The following MTMR12 variants were observed in gnomAD, a reference collection of about 807,000 sequenced individuals.
MTMR12 encodes the protein myotubularin-related protein 12.
A neutral mutation model predicts 96.7 loss-of-function variants in MTMR12; 33 were observed. The ratio of observed to expected loss-of-function variants is 0.34; its 90% CI spans 0.26 to 0.46. The LOEUF (loss-of-function observed/expected upper bound fraction) is 0.46, where lower values mean the gene tolerates loss of function less well. MTMR12 is among the 20% of genes least tolerant of loss of function. The pLI is 1.00. For missense variants in MTMR12, 721 were observed against 896.1 expected, an observed-to-expected ratio of 0.80 and a Z score of 2.49; for synonymous variants, 298 against 327.2, an observed-to-expected ratio of 0.91 and a Z score of 0.96.
chr5:32,281,256 A>C (rs113014108), intron 1 of MTMR12, among the ~76,000 whole-genome samples: 16 of 150,012 alleles, frequency 1.1e-4, no homozygotes, highest in African/African-American at 2.7e-4. Flanking sequence ...ATTAAAAAAA[A>C]AAAAAAAACA....
intron 1 of MTMR12, among the ~76,000 whole-genome samples, chr5:32,299,126 G>C (rs1279249364): frequency 6.6e-6 from 1 of 151,920 alleles, no homozygotes; most frequent in African/African-American, 2.4e-5. Flanking sequence ...GGGGTGGTGA[G>C]GAATAATAGC....
intron 15 of MTMR12, among the ~76,000 whole-genome samples, chr5:32,231,222 C>T (rs1235912817): frequency 2.6e-5 from 4 of 151,814 alleles, no homozygotes; most frequent in African/African-American, 7.3e-5. Flanking sequence ...ATGGCAAAAC[C>T]CCATCTCCAC....
intron 1 of MTMR12, among the ~76,000 whole-genome samples, chr5:32,305,039 G>T (rs1476552906): frequency 6.6e-6 from 1 of 152,164 alleles, no homozygotes; most frequent in Admixed American, 6.5e-5. Context: ...TTAGCTGGGT[G>T]AGTTCTGGGA....
intron 7 of MTMR12, 124 bp downstream of exon 7, chr5:32,262,989 G>C: frequency 7.9e-7 from 1 of 1,259,248 alleles, no homozygotes; most frequent in Non-Finnish European, 1.1e-6. Flanking sequence ...GTTTCTTTTT[G>C]GGAGGATGAA....
intron 6 of MTMR12, 30 bp from the exon 7 acceptor site, chr5:32,263,272 A>C: frequency 6.2e-7 from 1 of 1,611,930 alleles, no homozygotes; most frequent in Non-Finnish European, 8.5e-7. Flanking sequence ...AAGACAATAA[A>C]ATCTTTCCAT....
intron 12 of MTMR12, among the ~76,000 whole-genome samples, chr5:32,241,382 C>T (rs1012723184): frequency 2.0e-5 from 3 of 152,180 alleles, no homozygotes; most frequent in Non-Finnish European, 2.9e-5. Flanking sequence ...GCCCTTAGAA[C>T]CCAGGGCCAA....
At chr5:32,288,028 G>A (rs1750608737) in intron 1 of MTMR12, among the ~76,000 whole-genome samples, 1 of 152,146 alleles carries the variant, frequency 6.6e-6, no homozygotes, top group Non-Finnish European at 1.5e-5. Context: ...CTGAGTGAGA[G>A]TCTTATCTCT....
At position 32,312,617 on chromosome 5, in the gene MTMR12, C is replaced by T; in HGVS notation, c.81+141G>A. 1 of 772,598 alleles carries T rather than the reference C, an allele frequency of 1.3e-6. No homozygotes were observed. Among genetic ancestry groups the T allele is most frequent in the Non-Finnish European group, 1.7e-6 (1 of 586,414 alleles). 47.9% of individuals were successfully genotyped at this position (772,598 alleles called of 1,614,324 possible). ...GGAGGCCCCAGCGCGCTCCTGCGGC[C>T]TCAGCCCGCCTGGCTGCCCCGTCGC... On this transcript the variant is annotated intron_variant, in intron 1 of 15. Coordinates refer to ENST00000382142, the MANE Select transcript of MTMR12 (RefSeq NM_001040446.3). This position sits in a 1 kb window ranked among gnomAD's most constrained non-coding sequence, Gnocchi z 5.0.
At chr5:32,307,150 G>A (rs1380726911) in intron 1 of MTMR12, among the ~76,000 whole-genome samples, 1 of 152,264 alleles carries the variant, frequency 6.6e-6, no homozygotes, top group East Asian at 1.9e-4. Flanking sequence ...GAAGTGTACA[G>A]AATACACTCC....
At chr5:32,276,181 G>A (rs1019492794) in intron 2 of MTMR12, among the ~76,000 whole-genome samples, 3 of 152,222 alleles carry the variant, frequency 2.0e-5, no homozygotes, top group Non-Finnish European at 4.4e-5. Context: ...AACCAATCCA[G>A]GCTCCTTCGC....
At chr5:32,292,962 T>G (rs1475132967) in intron 1 of MTMR12, among the ~76,000 whole-genome samples, 1 of 152,250 alleles carries the variant, frequency 6.6e-6, no homozygotes, top group African/African-American at 2.4e-5. Context: ...TTTTCCTTTA[T>G]CATATAAGAT....
intron 1 of MTMR12, among the ~76,000 whole-genome samples, chr5:32,301,439 G>T (rs548857143): frequency 1.3e-5 from 2 of 152,312 alleles, no homozygotes; most frequent in African/African-American, 4.8e-5. Flanking sequence ...AATATTCACG[G>T]GGAGACCAAG....
At chr5:32,280,994 T>C (rs1750269843) in intron 1 of MTMR12, among the ~76,000 whole-genome samples, 1 of 151,990 alleles carries the variant, frequency 6.6e-6, no homozygotes, top group Non-Finnish European at 1.5e-5. Context: ...ACACCAGTAA[T>C]CACAGCACTT....
intron 1 of MTMR12, among the ~76,000 whole-genome samples, chr5:32,301,437 C>T (rs922945167): frequency 2.0e-5 from 3 of 152,184 alleles, no homozygotes; most frequent in African/African-American, 4.8e-5. Context: ...CAAATATTCA[C>T]GGGGAGACCA....
intron 11 of MTMR12, 120 bp from the exon 12 acceptor site, chr5:32,242,247 CCACGCTAAA>C: frequency 1.8e-6 from 1 of 553,686 alleles, no homozygotes; most frequent in Non-Finnish European, 3.0e-6. Context: ...TTTTTTTTTT[CCACGCTAAA>C]ATCCTCTAGA....
In MTMR12 at chr5:32,228,842, G is replaced by A. The variant is rs564503543; in HGVS notation, c.*936C>T. 2.0e-5 allele frequency: 3 copies of A among 151,842 alleles called. No homozygotes were observed. In the South Asian group the frequency reaches 6.3e-4, roughly 32 times the overall value. The allele number at this position is 151,842 out of a possible 1,614,324, so 9.4% of individuals were successfully genotyped here. ...AAAGGTAAAAGAATGTGAGGAACTC[G>A]GCTCAGGGGTTGCGGCAGAAAACTG... is the stretch of plus-strand genomic sequence containing the variant. On this transcript the variant is annotated 3_prime_UTR_variant, in exon 16 of 16. Transcript: ENST00000382142.
chr5:32,243,634 A>C, intron 10 of MTMR12, 35 bp from the exon 11 acceptor site: 1 of 1,365,762 alleles, frequency 7.3e-7, no homozygotes, highest in South Asian at 1.2e-5. Flanking sequence ...ACGTCAGGTC[A>C]TTGTTCACTG....
chr5:32,234,668 A>G (rs1368003979), intron 14 of MTMR12: 2 of 191,990 alleles, frequency 1.0e-5, no homozygotes, highest in Non-Finnish European at 2.1e-5. Context: ...AGGATAATAA[A>G]AATGCATATG....
chr5:32,252,870 T>C (rs762997667), intron 8 of MTMR12, among the ~76,000 whole-genome samples: 3 of 152,178 alleles, frequency 2.0e-5, no homozygotes, highest in Non-Finnish European at 2.9e-5. Flanking sequence ...AGAATAAGTG[T>C]AAATATGAGT....
Sources: gnomAD v4.1 joint callset for allele counts (sites outside exome capture counted in the v4.1 genomes callset) on GRCh38, gnomAD v4.1.1 for gene constraint, Gnocchi (gnomAD v3.1) non-coding constraint, MANE v1.5 for transcripts, NCBI Gene and HGNC (gene_info 2026-07-23, HGNC 2026-07-21) for gene names.